TCF12: variants seen among roughly 807,000 people sequenced by gnomAD.
TCF12 encodes transcription factor 12, also known as DNA-binding protein HTF4.
TCF12 carries 45 observed loss-of-function variants against 86.0 expected under a neutral mutation model. That is an observed-to-expected ratio of 0.52 (90% CI 0.41 to 0.67). TCF12 has a LOEUF of 0.67. Among genes scored for constraint, TCF12 ranks in the 30% least tolerant of loss-of-function variants. TCF12 has a pLI of 0.00. For synonymous variants in TCF12, 330 were observed against 299.6 expected (o/e 1.10, Z -1.05); for missense variants, 881 against 859.9 (o/e 1.02, Z -0.31).
At chr15:57,116,777 A>C (rs1403262744) in intron 5 of TCF12, among the ~76,000 whole-genome samples, 1 of 152,178 alleles carries the variant, frequency 6.6e-6, no homozygotes, top group African/African-American at 2.4e-5. Flanking sequence ...TTCTCATGTC[A>C]CTTATAATGC....
chr15:57,281,905 C>G, intron 19 of TCF12: 1 of 137,304 alleles, frequency 7.3e-6, no homozygotes, highest in Admixed American at 6.3e-5. Flanking sequence ...CCCCCTTCCC[C>G]CCAGCCCCCC....
intron 3 of TCF12, among the ~76,000 whole-genome samples, chr15:57,021,793 A>G (rs938917362): frequency 9.3e-5 from 14 of 151,094 alleles, no homozygotes; most frequent in African/African-American, 3.4e-4. Context: ...TGTTAATGGG[A>G]TGTGAAGTCT....
chr15:56,948,550 T>C (rs2061116928), intron 3 of TCF12, among the ~76,000 whole-genome samples: 1 of 152,198 alleles, frequency 6.6e-6, no homozygotes, highest in Admixed American at 6.5e-5. Context: ...TAGAAGAGAA[T>C]GTTTAAACTG....
intron 4 of TCF12, among the ~76,000 whole-genome samples, chr15:57,071,092 G>C (rs1206567826): frequency 6.6e-6 from 1 of 152,130 alleles, no homozygotes; most frequent in Admixed American, 6.5e-5. Flanking sequence ...GCTTAGACAT[G>C]TAAGTCATAT....
At chr15:57,120,470 T>A (rs987868129) in intron 5 of TCF12, among the ~76,000 whole-genome samples, 1 of 152,222 alleles carries the variant, frequency 6.6e-6, no homozygotes, top group Non-Finnish European at 1.5e-5. Context: ...GTAGATAGAT[T>A]ACATGATCCC....
At chr15:56,950,773 T>A (rs1160191177) in intron 3 of TCF12, among the ~76,000 whole-genome samples, 13 of 108,658 alleles carry the variant, frequency 1.2e-4, no homozygotes, top group African/African-American at 3.8e-4. Context: ...TTTTTTTTTT[T>A]AAGTTAGAGT....
chr15:56,961,045 C>A (rs766482358), intron 3 of TCF12, among the ~76,000 whole-genome samples: 1 of 149,016 alleles, frequency 6.7e-6, no homozygotes, highest in Admixed American at 6.8e-5. Flanking sequence ...GAGGCTGAGG[C>A]AGGAGAATTG....
At chr15:56,945,749 G>A (rs1396517667) in intron 3 of TCF12, among the ~76,000 whole-genome samples, 1 of 152,156 alleles carries the variant, frequency 6.6e-6, no homozygotes, top group African/African-American at 2.4e-5. Context: ...AATTGCCATT[G>A]TAATGGTGTT....
At position 57,054,166 on chromosome 15, in the gene TCF12, A is replaced by G. The variant is rs148260479; in HGVS notation, c.149-9584A>G. Among the ~76,000 whole-genome samples the G allele has an allele frequency of 4.7e-4, 72 of 152,334 alleles. 2 individuals are homozygous for G. The East Asian group carries it at 0.012, about 26-fold the overall frequency. On this transcript the variant is annotated intron_variant, in intron 3 of 20. Coordinates refer to ENST00000333725, the MANE Select transcript of TCF12 (RefSeq NM_207037.2). ...GAGTGTGTTGTCATTATAGGAATTAATGGTCTAAGACTTGAACCAGGGAGT... is the reference window on the plus strand; with the variant it reads ...GAGTGTGTTGTCATTATAGGAATTAGTGGTCTAAGACTTGAACCAGGGAGT...
At chr15:57,263,621 CAATA>C (rs138053823) in intron 18 of TCF12, among the ~76,000 whole-genome samples, 6,108 of 152,178 alleles carry the variant, frequency 0.04, 371 homozygotes, top group Admixed American at 0.17. Flanking sequence ...TAGATTTGAT[CAATA>C]AATATTTGAA....
chr15:56,933,923 T>G (rs1013798864), intron 3 of TCF12, among the ~76,000 whole-genome samples: 1 of 151,798 alleles, frequency 6.6e-6, no homozygotes, highest in Admixed American at 6.6e-5. Flanking sequence ...ATATATTTCA[T>G]CAGAATGAAA....
intron 5 of TCF12, among the ~76,000 whole-genome samples, chr15:57,161,338 A>G (rs1389128509): frequency 2.6e-5 from 4 of 152,206 alleles, no homozygotes; most frequent in Admixed American, 1.3e-4. Flanking sequence ...AGTCTGGAGA[A>G]AATAATTTCT....
At chr15:56,939,548 A>G (rs2060632241) in intron 3 of TCF12, among the ~76,000 whole-genome samples, 1 of 152,208 alleles carries the variant, frequency 6.6e-6, no homozygotes, top group Non-Finnish European at 1.5e-5. Context: ...CTATATGTAT[A>G]TTAGACAGAT....
chr15:57,271,213 G>T (rs181217779), intron 18 of TCF12, among the ~76,000 whole-genome samples: 1 of 152,190 alleles, frequency 6.6e-6, no homozygotes, highest in Non-Finnish European at 1.5e-5. Context: ...GCTAGGCTGC[G>T]GTGGGCTCCG....
At chr15:57,267,598 AC>A (rs796864883) in intron 18 of TCF12, among the ~76,000 whole-genome samples, 10 of 152,322 alleles carry the variant, frequency 6.6e-5, no homozygotes, top group African/African-American at 2.2e-4. Context: ...ACAGCTACTT[AC>A]CACTGCCATT....
upstream of TCF12, chr15:56,918,572 C>T (rs2059604255): frequency 3.7e-6 from 1 of 270,084 alleles, no homozygotes; most frequent in Non-Finnish European, 7.3e-6. Flanking sequence ...GCCCCACTTC[C>T]TAGGCGGCGG....
intron 16 of TCF12, among the ~76,000 whole-genome samples, chr15:57,261,707 C>T (rs934671987): frequency 2.2e-4 from 34 of 151,712 alleles, no homozygotes; most frequent in Non-Finnish European, 4.1e-4. Flanking sequence ...TGTTAAATGC[C>T]AGTTCATGCA....
chr15:56,934,186 G>C (rs1223381272), intron 3 of TCF12, among the ~76,000 whole-genome samples: 2 of 152,096 alleles, frequency 1.3e-5, no homozygotes, highest in East Asian at 1.9e-4. Context: ...TTTTTAAAAT[G>C]CTTGTTGAGG....
chr15:57,256,618 C>T (rs35530923), intron 16 of TCF12, among the ~76,000 whole-genome samples: 149,040 of 149,416 alleles, frequency 1, 74,334 homozygotes, highest in Middle Eastern at 1. Flanking sequence ...TCGATTTTTT[C>T]CGGAATTAAC....
Sources: gnomAD v4.1 joint callset for allele counts (sites outside exome capture counted in the v4.1 genomes callset) on GRCh38, gnomAD v4.1.1 for gene constraint, MANE v1.5 for transcripts, NCBI Gene and HGNC (gene_info 2026-07-23, HGNC 2026-07-21) for gene names.